Variants in YTHDC2 observed in about 807,000 individuals in gnomAD.
YTHDC2 encodes the protein 3'-5' RNA helicase YTHDC2.
In YTHDC2, 45 loss-of-function variants were observed where a neutral mutation model predicts 174.9. The observed-to-expected ratio is 0.26, with a 90% CI of 0.20 to 0.33. YTHDC2 has a LOEUF of 0.33. YTHDC2 is among the 10% of genes least tolerant of loss of function. The pLI is 1.00. For missense variants in YTHDC2, 1,650 were observed against 1,723.7 expected (o/e 0.96, Z 0.76); for synonymous variants, 657 against 574.5 (o/e 1.14, Z -2.05).
intron 10 of YTHDC2, among the ~76,000 whole-genome samples, chr5:113,545,042 T>G (rs115712808): frequency 0.023 from 3,462 of 152,336 alleles, 85 homozygotes; most frequent in East Asian, 0.09. Context: ...TGTTTATTCA[T>G]TATAAATTTT....
intron 24 of YTHDC2, 34 bp from the exon 25 acceptor site, chr5:113,581,383 A>G: frequency 6.6e-7 from 1 of 1,522,444 alleles, no homozygotes; most frequent in Non-Finnish European, 8.8e-7. Flanking sequence ...CATATGTGAT[A>G]TTCATTTGCT....
intron 7 of YTHDC2, among the ~76,000 whole-genome samples, chr5:113,537,297 T>C (rs954754345): frequency 6.6e-6 from 1 of 152,098 alleles, no homozygotes; most frequent in Non-Finnish European, 1.5e-5. Context: ...CAATCTGATA[T>C]TCAAATTTTA....
intron 2 of YTHDC2, among the ~76,000 whole-genome samples, chr5:113,523,351 A>G (rs1774003531): frequency 6.6e-6 from 1 of 152,240 alleles, no homozygotes; most frequent in African/African-American, 2.4e-5. Context: ...GCTGAATACT[A>G]GCCTCCTACC....
At chr5:113,553,539 T>A in intron 13 of YTHDC2, 51 bp from the exon 14 acceptor site, 1 of 1,571,248 alleles carries the variant, frequency 6.4e-7, no homozygotes, top group Non-Finnish European at 8.7e-7. Flanking sequence ...TTCTGTTGAT[T>A]GCCTCTGATT....
Position 113,584,378 on chromosome 5 carries a change from C to T in YTHDC2, c.3724C>T (p.Arg1242Ter), listed in dbSNP as rs1398252270. ...YKDRGILHPK[R>*]GTEDRSDQSS... ...AGATAGAGGAATTTTACATCCTAAA[C>T]GAGGTACTGAGGACCGATCAGATCA... Residue 1242 changes from arginine to a stop codon, truncating the protein, a stop_gained, in exon 26 of 30, where the codon CGA becomes TGA. Transcript: ENST00000161863. LOFTEE classifies it high-confidence loss of function. 1 of 1,613,774 alleles carries T rather than the reference C, an allele frequency of 6.2e-7. No homozygotes were observed.
chr5:113,542,036 A>G (rs962278289), intron 9 of YTHDC2, among the ~76,000 whole-genome samples: 6 of 152,180 alleles, frequency 3.9e-5, no homozygotes, highest in African/African-American at 1.4e-4. Flanking sequence ...AAAAAGCTCC[A>G]GGTGATACTT....
chr5:113,584,803 G>A (rs1322842713), intron 26 of YTHDC2, among the ~76,000 whole-genome samples: 14 of 141,722 alleles, frequency 9.9e-5, no homozygotes, highest in Admixed American at 2.8e-4. Context: ...TTGAGGTGGG[G>A]TCCCACTCTT....
At chr5:113,547,223 G>T (rs1324442549) in intron 10 of YTHDC2, among the ~76,000 whole-genome samples, 1 of 152,144 alleles carries the variant, frequency 6.6e-6, no homozygotes, top group African/African-American at 2.4e-5. Context: ...GCCATGAATT[G>T]AATATTCAGT....
rs1779175982 is a variant in YTHDC2 at position 113,594,769 on chromosome 5, A to G, written c.*1295A>G. ...TTATAAAAGCAAACAGGCAAACATGAGTGTAAATTAAAGACAAAAAGAAAA... is the reference window on the plus strand; with the variant it reads ...TTATAAAAGCAAACAGGCAAACATGGGTGTAAATTAAAGACAAAAAGAAAA... On this transcript the variant is annotated 3_prime_UTR_variant, in exon 30 of 30. Coordinates refer to ENST00000161863, the MANE Select transcript of YTHDC2 (RefSeq NM_022828.5). 1 of 152,206 alleles carries G rather than the reference A, an allele frequency of 6.6e-6. No individual in the cohort carries two copies. 9.4% of individuals were successfully genotyped at this position (152,206 alleles called of 1,614,324 possible). A position where few individuals can be genotyped will look rare whatever the true frequency, so the allele number is the denominator to read the frequency against.
At chr5:113,565,365 A>G (rs1375963587) in intron 20 of YTHDC2, among the ~76,000 whole-genome samples, 1 of 152,298 alleles carries the variant, frequency 6.6e-6, no homozygotes, top group East Asian at 1.9e-4. Flanking sequence ...CTCCTTCAAA[A>G]GCAGAGAGGA....
chr5:113,527,580 A>G (rs1774352284), intron 4 of YTHDC2, among the ~76,000 whole-genome samples: 2 of 152,156 alleles, frequency 1.3e-5, no homozygotes, highest in South Asian at 4.1e-4. Context: ...TCCTGTGATT[A>G]TATTGGTTAG....
chr5:113,562,882 A>G (rs1257738595), intron 18 of YTHDC2, among the ~76,000 whole-genome samples: 4 of 152,178 alleles, frequency 2.6e-5, no homozygotes, highest in African/African-American at 4.8e-5. Context: ...TTAAGTAGTT[A>G]ATTATATAAT....
At position 113,553,741 on chromosome 5, in the gene YTHDC2, A is replaced by G. The variant is rs371491955; in HGVS notation, c.1965-26A>G. On this transcript the variant is annotated intron_variant, in intron 14 of 29. Coordinates refer to ENST00000161863, the MANE Select transcript of YTHDC2 (RefSeq NM_022828.5). ...TAAAATAACGGACAGGTCTTATAGT[A>G]TGTTTTCTCTTTCAATTGTCTGCAG... 1.4e-5 allele frequency: 23 copies of G among 1,612,146 alleles called. No individual in the cohort carries two copies. The South Asian group carries it at 2.3e-4, about 16-fold the overall frequency.
chr5:113,563,784 T>G, intron 19 of YTHDC2, 75 bp from the exon 20 acceptor site: 1 of 1,500,050 alleles, frequency 6.7e-7, no homozygotes, highest in Non-Finnish European at 9.1e-7. Flanking sequence ...TATTTCTCAT[T>G]TAGGGGTTTT....
intron 18 of YTHDC2, among the ~76,000 whole-genome samples, chr5:113,561,452 T>TCTAA (rs1776959723): frequency 7.0e-6 from 1 of 142,510 alleles, no homozygotes; most frequent in Non-Finnish European, 1.5e-5. Context: ...TATCTATCTA[T>TCTAA]CTATCTATCT....
At chr5:113,577,109 ATTGCATGG>A (rs1778105713) in intron 23 of YTHDC2, among the ~76,000 whole-genome samples, 1 of 152,112 alleles carries the variant, frequency 6.6e-6, no homozygotes, top group Non-Finnish European at 1.5e-5. Context: ...AGCTTGCATG[ATTGCATGG>A]TAAATTTGGT....
At chr5:113,520,046 T>C (rs923300620) in intron 2 of YTHDC2, among the ~76,000 whole-genome samples, 1 of 152,158 alleles carries the variant, frequency 6.6e-6, no homozygotes, top group African/African-American at 2.4e-5. Flanking sequence ...TGCTCTTCCT[T>C]TCCTTTCCCC....
intron 4 of YTHDC2, among the ~76,000 whole-genome samples, chr5:113,529,820 T>C (rs1490115389): frequency 2.0e-5 from 3 of 152,220 alleles, no homozygotes; most frequent in Non-Finnish European, 4.4e-5. Context: ...TATGGTATCT[T>C]GTTCAGTAGT....
At chr5:113,534,969 C>G (rs942567316) in intron 6 of YTHDC2, among the ~76,000 whole-genome samples, 1 of 152,056 alleles carries the variant, frequency 6.6e-6, no homozygotes, top group African/African-American at 2.4e-5. Flanking sequence ...AGAAACTTAC[C>G]CAAACCAAAG....
Sources: gnomAD v4.1 joint callset for allele counts (sites outside exome capture counted in the v4.1 genomes callset) on GRCh38, gnomAD v4.1.1 for gene constraint, MANE v1.5 for transcripts, NCBI Gene and HGNC (gene_info 2026-07-23, HGNC 2026-07-21) for gene names.